HAUS7: variants seen among roughly 807,000 people sequenced by gnomAD.
HAUS7 encodes the protein HAUS augmin like complex subunit 7, also known as HAUS augmin-like complex subunit 7.
A neutral mutation model predicts 28.4 loss-of-function variants in HAUS7; 3 were observed. That is an observed-to-expected ratio of 0.11 (90% CI 0.05 to 0.27). The LOEUF (loss-of-function observed/expected upper bound fraction) is 0.27, where lower values mean the gene tolerates loss of function less well. Ranked by LOEUF, HAUS7 falls within the 10% of genes least tolerant of loss-of-function variation. The probability of loss-of-function intolerance (pLI) is 1.00; values close to 1 mark genes in which losing one functional copy is unlikely to be tolerated. For synonymous variants in HAUS7, 165 were observed against 132.1 expected, an observed-to-expected ratio of 1.25 and a Z score of -1.71; for missense variants, 284 against 297.3, an observed-to-expected ratio of 0.96 and a Z score of 0.33.
chrX:153,450,057 G>A (rs146459031), intron 9 of HAUS7, among the ~76,000 whole-genome samples: 3 of 111,829 alleles, frequency 2.7e-5, no homozygotes, highest in East Asian at 5.6e-4. Flanking sequence ...TCGAGCCACA[G>A]GGGCTGGGAA....
chrX:153,486,295 A>AGCCATCCACCCATCTTGGTT (rs2089637365), intron 1 of HAUS7, among the ~76,000 whole-genome samples: 1 of 112,392 alleles, frequency 8.9e-6, no homozygotes, highest in Admixed American at 9.3e-5. Context: ...CCCCCAATCC[A>AGCCATCCACCCATCTTGGTT]GCCATCCACC....
chrX:153,460,482 T>C (rs1415534433), intron 4 of HAUS7, among the ~76,000 whole-genome samples: 1 of 110,806 alleles, frequency 9.0e-6, no homozygotes, highest in African/African-American at 3.3e-5. Context: ...AATGTGCTTA[T>C]GCCCCTGGAC....
rs1019045128 is a variant in HAUS7, at chrX:153,486,893, C to T, written c.-589+8481G>A. 4 of 831,368 alleles carry T rather than the reference C, an allele frequency of 4.8e-6. No individual in the cohort carries two copies. In the Middle Eastern group the frequency reaches 1.2e-3, roughly 250 times the overall value. 68.5% of individuals were successfully genotyped at this position (831,368 alleles called of 1,213,427 possible). ...GGCTGAGGTGTGCTTGGCCTTTGCA[C>T]CACTGGGAGAAAGGTCTAGAAGACC... On this transcript the variant is annotated intron_variant, in intron 1 of 5. Transcript: ENST00000370210.
At chrX:153,489,869 C>T (rs1309973158) in intron 1 of HAUS7, among the ~76,000 whole-genome samples, 4 of 112,825 alleles carry the variant, frequency 3.5e-5, no homozygotes. Flanking sequence ...CTAACACCCC[C>T]GTTCACAAGC....
chrX:153,448,560 A>T (rs1327947900), intron 9 of HAUS7, among the ~76,000 whole-genome samples: 1 of 110,587 alleles, frequency 9.0e-6, no homozygotes, highest in African/African-American at 3.3e-5. Context: ...ATATATATAT[A>T]AAATAAATAA....
upstream of HAUS7, chrX:153,471,212 T>C (rs1396251919): frequency 6.4e-5 from 16 of 250,460 alleles, no homozygotes; most frequent in South Asian, 1.5e-4. Context: ...ACCTAACCTC[T>C]CTGTGCCTCT....
chrX:153,465,312 C>CAA (rs72146941), intron 2 of HAUS7, among the ~76,000 whole-genome samples: 18 of 57,160 alleles, frequency 3.1e-4, no homozygotes, highest in African/African-American at 5.5e-4. Flanking sequence ...TTCTCAAGAC[C>CAA]AAAAAAAAAA....
At chrX:153,478,336 AT>A (rs2089575950) in intron 1 of HAUS7, among the ~76,000 whole-genome samples, 1 of 110,961 alleles carries the variant, frequency 9.0e-6, no homozygotes, top group Admixed American at 9.5e-5. Context: ...ACACCCCCTT[AT>A]TTGCCCCTCA....
chrX:153,492,216 A>C (rs1556989772), intron 1 of HAUS7, among the ~76,000 whole-genome samples: 1 of 113,415 alleles, frequency 8.8e-6, no homozygotes, highest in Non-Finnish European at 1.9e-5. Context: ...CCCGCCCGCC[A>C]GCTCTGCTCG....
At chrX:153,458,996 G>A (rs188718933) in intron 4 of HAUS7, among the ~76,000 whole-genome samples, 1 of 111,933 alleles carries the variant, frequency 8.9e-6, no homozygotes, top group Admixed American at 9.5e-5. Flanking sequence ...GAGCTCAAGC[G>A]ATCCTCCTGC....
At chrX:153,482,670 C>T in intron 1 of HAUS7, 3 of 751,494 alleles carry the variant, frequency 4.0e-6, no homozygotes, top group Non-Finnish European at 4.7e-6. Flanking sequence ...AGAGCTACTG[C>T]GAGCAGCTCT....
chrX:153,485,694 G>A, intron 1 of HAUS7: 1 of 650,079 alleles, frequency 1.5e-6, no homozygotes, highest in Non-Finnish European at 1.9e-6. Flanking sequence ...GGAGTGTGGG[G>A]CTGCAGCCCC....
upstream of HAUS7, among the ~76,000 whole-genome samples, chrX:153,474,187 T>C (rs1227786695): frequency 8.9e-6 from 1 of 112,318 alleles, no homozygotes; most frequent in Non-Finnish European, 1.9e-5. Context: ...TGTTCATCTT[T>C]GGAGTCTACT....
At position 153,490,174 on chromosome X, in the gene HAUS7, C is replaced by T. The variant is rs1186947112; in HGVS notation, c.-589+5200G>A. Among the ~76,000 whole-genome samples, 4 of 112,563 alleles carry T rather than the reference C, an allele frequency of 3.6e-5. No individual in the cohort carries two copies. In the East Asian group the frequency reaches 8.4e-4, roughly 24 times the overall value. On this transcript the variant is annotated intron_variant, in intron 1 of 5. Coordinates refer to the HAUS7 transcript ENST00000370210. Reference sequence around the variant, plus strand: ...TAGGGTGCCCCTGGCCTCTGGCTCCCGGACTTCGGCTTCCAAGGCAACCCA... The same window carrying T: ...TAGGGTGCCCCTGGCCTCTGGCTCCTGGACTTCGGCTTCCAAGGCAACCCA...
chrX:153,491,964 C>T (rs1028590916), intron 1 of HAUS7, among the ~76,000 whole-genome samples: 3 of 113,113 alleles, frequency 2.7e-5, no homozygotes, highest in African/African-American at 9.6e-5. Flanking sequence ...GCAGTGGCAT[C>T]CCAGGGTCAC....
intron 9 of HAUS7, among the ~76,000 whole-genome samples, chrX:153,449,997 A>T (rs2089218766): frequency 8.9e-6 from 1 of 112,195 alleles, no homozygotes; most frequent in Non-Finnish European, 1.9e-5. Flanking sequence ...CCTTCAGGTC[A>T]GATTTCCTGC....
At chrX:153,486,588 G>A (rs1390313527) in intron 1 of HAUS7, 17 of 953,365 alleles carry the variant, frequency 1.8e-5, no homozygotes, top group Admixed American at 9.1e-5. Context: ...CCGTCTTTCC[G>A]GGGTCTTCTC....
At chrX:153,491,857 C>T (rs782454888) in intron 1 of HAUS7, among the ~76,000 whole-genome samples, 3 of 113,272 alleles carry the variant, frequency 2.6e-5, no homozygotes, top group East Asian at 2.8e-4. Context: ...AGGGGTCTCC[C>T]GGGCTGGGAT....
At chrX:153,488,933 A>G (rs1383065736) in intron 1 of HAUS7, among the ~76,000 whole-genome samples, 1 of 112,172 alleles carries the variant, frequency 8.9e-6, no homozygotes, top group Non-Finnish European at 1.9e-5. Flanking sequence ...CACTTCTCAG[A>G]GCCTCGGCGG....
Sources: allele counts gnomAD v4.1 joint callset (sites outside exome capture counted in the v4.1 genomes callset), GRCh38; gene constraint gnomAD v4.1.1; transcripts MANE v1.5; gene names NCBI Gene and HGNC (gene_info 2026-07-23, HGNC 2026-07-21).